The following FUBP3 variants were observed in gnomAD, a reference collection of about 807,000 sequenced individuals.
FUBP3 encodes far upstream element-binding protein 3.
In FUBP3, 28 loss-of-function variants were observed where a neutral mutation model predicts 85.6. The ratio of observed to expected loss-of-function variants is 0.33; its 90% CI spans 0.24 to 0.45. FUBP3 has a LOEUF of 0.45. Ranked by LOEUF, FUBP3 falls within the 20% of genes least tolerant of loss-of-function variation. FUBP3 has a pLI of 1.00. For synonymous variants in FUBP3, 271 were observed against 271.4 expected (o/e 1.00, Z 0.01); for missense variants, 583 against 755.1 (o/e 0.77, Z 2.67).
intron 1 of FUBP3, among the ~76,000 whole-genome samples, chr9:130,594,548 A>G (rs1830770138): frequency 6.6e-6 from 1 of 152,154 alleles, no homozygotes; most frequent in African/African-American, 2.4e-5. Flanking sequence ...GTGCCATTGC[A>G]CTCCAGCCTG....
intron 1 of FUBP3, among the ~76,000 whole-genome samples, chr9:130,588,096 G>A (rs56830738): frequency 0.017 from 2,551 of 152,212 alleles, 80 homozygotes; most frequent in African/African-American, 0.058. Context: ...GTTGTGCTGG[G>A]TGCCAGGCAA....
At chr9:130,632,430 T>G in intron 16 of FUBP3, 152 bp downstream of exon 16, 1 of 642,040 alleles carries the variant, frequency 1.6e-6, no homozygotes, top group East Asian at 2.7e-5. Flanking sequence ...GCTTGGGCCC[T>G]CCTGCAGGCC....
intron 2 of FUBP3, among the ~76,000 whole-genome samples, chr9:130,599,249 AC>A (rs1454956103): frequency 6.6e-6 from 1 of 151,858 alleles, no homozygotes; most frequent in Non-Finnish European, 1.5e-5. Context: ...CCAAGATCGC[AC>A]CACTGCACTC....
chr9:130,594,778 C>T (rs537713578), intron 1 of FUBP3, among the ~76,000 whole-genome samples: 2 of 151,644 alleles, frequency 1.3e-5, no homozygotes, highest in Non-Finnish European at 2.9e-5. Context: ...GCACATGAGG[C>T]CTTTCAAATA....
At chr9:130,613,442 G>A (rs1834765616) in intron 5 of FUBP3, among the ~76,000 whole-genome samples, 1 of 152,232 alleles carries the variant, frequency 6.6e-6, no homozygotes, top group South Asian at 2.1e-4. Context: ...TGTGGGAAGA[G>A]GATAGCTGGG....
chr9:130,630,727 C>G lies in FUBP3; in HGVS notation c.1217C>G (p.Thr406Ser). ...AGCGACCCCAACCTGCGGAGATTCA[C>G]CATCAGGGGGGTTCCCCAGCAGATC... ...PNSDPNLRRF[T>S]IRGVPQQIEV... The change falls in exon 13 of 19, where the codon ACC becomes AGC. Residue 406 changes from threonine to serine, a missense_variant. By Grantham distance (58) the Thr-to-Ser change is moderately conservative. Coordinates refer to ENST00000319725, the MANE Select transcript of FUBP3 (RefSeq NM_003934.2). 1 of 1,582,046 alleles carries G rather than the reference C, an allele frequency of 6.3e-7. No homozygotes were observed. Among genetic ancestry groups the G allele is most frequent in the South Asian group, 1.1e-5 (1 of 87,272 alleles).
chr9:130,618,063 C>A lies in FUBP3; in HGVS notation c.666+168C>A, dbSNP rs574451880. 9.9e-5 allele frequency among the ~76,000 whole-genome samples: 15 copies of A among 152,250 alleles called. No homozygotes were observed. In the South Asian group the frequency reaches 3.1e-3, roughly 32 times the overall value. ...ATGAAAAGAATCTAGGTTTGTGCTG[C>A]CCAAAACCAGAGTCCTTAGCTACTT... On this transcript the variant is annotated intron_variant, in intron 8 of 18. Transcript: ENST00000319725.
intron 2 of FUBP3, among the ~76,000 whole-genome samples, chr9:130,602,404 C>T (rs1831200263): frequency 6.6e-6 from 1 of 152,012 alleles, no homozygotes; most frequent in African/African-American, 2.4e-5. Context: ...TGGCATAGGG[C>T]AAGGACAGAA....
chr9:130,600,395 T>G (rs1193754968), intron 2 of FUBP3, among the ~76,000 whole-genome samples: 2 of 152,238 alleles, frequency 1.3e-5, no homozygotes, highest in Non-Finnish European at 2.9e-5. Context: ...GATTTGCATT[T>G]TTAAATTTTG....
At chr9:130,603,551 G>A (rs1400290959) in intron 2 of FUBP3, among the ~76,000 whole-genome samples, 3 of 152,074 alleles carry the variant, frequency 2.0e-5, no homozygotes, top group African/African-American at 7.2e-5. Context: ...ATACATATGT[G>A]TAAGTTGGAA....
In FUBP3 at chr9:130,635,961, C is replaced by T. The variant is rs756824644; in HGVS notation, c.1583-38C>T. ...GGAAGGGTCCTGCCCAGTGCACCTC[C>T]GCTCCCGATAACCTGTGTTTCCTCC... On this transcript the variant is annotated intron_variant, in intron 17 of 18. Transcript: ENST00000319725. The surrounding 1 kb of genome is among the most constrained non-coding windows in gnomAD (Gnocchi z 4.3). 33 of 1,604,542 alleles carry T rather than the reference C, an allele frequency of 2.1e-5. No homozygotes were observed. Among genetic ancestry groups the T allele is most frequent in the Admixed American group, 3.3e-5 (2 of 59,734 alleles).
At chr9:130,586,994 C>CT (rs1436815704) in intron 1 of FUBP3, among the ~76,000 whole-genome samples, 3 of 151,992 alleles carry the variant, frequency 2.0e-5, no homozygotes, top group Non-Finnish European at 2.9e-5. Context: ...TGTGATCCAC[C>CT]TGCCTCGGCC....
At chr9:130,604,899 A>AC (rs1160391157) in intron 2 of FUBP3, among the ~76,000 whole-genome samples, 3 of 148,242 alleles carry the variant, frequency 2.0e-5, no homozygotes, top group Non-Finnish European at 4.5e-5. Context: ...TCTGTCTCAA[A>AC]CAAAAAAAAA....
intron 1 of FUBP3, among the ~76,000 whole-genome samples, chr9:130,594,040 A>G (rs1263976533): frequency 2.0e-5 from 3 of 152,204 alleles, no homozygotes; most frequent in African/African-American, 4.8e-5. Flanking sequence ...TTGTCTGGAC[A>G]CTTCCAGTAA....
Position 130,592,194 on chromosome 9 carries a change from C to T in FUBP3, c.85-3289C>T, listed in dbSNP as rs567701718. ...TTGCAGTGAGCCAAGATTGCGCCAC[C>T]GCACTCCAGCCTGGGCAACAGAGCA... On this transcript the variant is annotated intron_variant, in intron 1 of 18. Coordinates refer to ENST00000319725, the MANE Select transcript of FUBP3 (RefSeq NM_003934.2). Among the ~76,000 whole-genome samples the T allele has an allele frequency of 2.0e-5, 3 of 152,256 alleles. No homozygotes were observed. In the South Asian group the frequency reaches 6.2e-4, roughly 32 times the overall value.
At position 130,637,159 on chromosome 9, in the gene FUBP3, C is replaced by G; in HGVS notation, c.*137C>G. The G allele has an allele frequency of 1.4e-6, 1 of 694,026 alleles. No homozygotes were observed. Among genetic ancestry groups the G allele is most frequent in the African/African-American group, 1.8e-5 (1 of 55,372 alleles). The allele number at this position is 694,026 out of a possible 1,614,324, so 43.0% of individuals were successfully genotyped here. A position where few individuals can be genotyped will look rare whatever the true frequency, so the allele number is the denominator to read the frequency against. On this transcript the variant is annotated 3_prime_UTR_variant, in exon 19 of 19. Transcript: ENST00000319725. ...CTGTGAAACACTATATTTAGATTAA[C>G]GGAATTTTTCTAAAAATCAGGAAAA...
At chr9:130,619,484 A>G (rs1413046443) in intron 8 of FUBP3, among the ~76,000 whole-genome samples, 3 of 152,164 alleles carry the variant, frequency 2.0e-5, no homozygotes, top group Non-Finnish European at 4.4e-5. Context: ...CCTAAGAATA[A>G]CCAGGCCTAA....
In FUBP3 at chr9:130,616,999, G is replaced by A. The variant is rs529951849; in HGVS notation, c.567+482G>A. On this transcript the variant is annotated intron_variant, in intron 7 of 18. Transcript: ENST00000319725. This position sits in a 1 kb window ranked among gnomAD's most constrained non-coding sequence, Gnocchi z 4.7. ...ATAATAGCCGTTCTTTTCTTTTTAT[G>A]TAAGAGCCTGTTACTGAGTGAATGT... Among the ~76,000 whole-genome samples the A allele has an allele frequency of 2.0e-5, 3 of 152,186 alleles. No homozygotes were observed. Among genetic ancestry groups the A allele is most frequent in the African/African-American group, 7.2e-5 (3 of 41,446 alleles).
intron 2 of FUBP3, among the ~76,000 whole-genome samples, chr9:130,603,487 A>G (rs1455588279): frequency 6.6e-6 from 1 of 151,802 alleles, no homozygotes; most frequent in Non-Finnish European, 1.5e-5. Context: ...CCCTTCACCC[A>G]TCTATGCATT....
Sources: allele counts gnomAD v4.1 joint callset (sites outside exome capture counted in the v4.1 genomes callset), GRCh38; gene constraint gnomAD v4.1.1; non-coding constraint Gnocchi (gnomAD v3.1); transcripts MANE v1.5; gene names NCBI Gene and HGNC (gene_info 2026-07-23, HGNC 2026-07-21).